Variants in MECOM observed in about 807,000 individuals in gnomAD.
MECOM encodes the protein MDS1 and EVI1 complex locus.
Under a neutral mutation model 116.3 loss-of-function variants are expected in MECOM, and 13 were observed. The observed-to-expected ratio is 0.11, with a 90% confidence interval of 0.07 to 0.18. The LOEUF (loss-of-function observed/expected upper bound fraction) is 0.18. Ranked by LOEUF, MECOM falls within the 10% of genes least tolerant of loss-of-function variation. The pLI, the probability that MECOM is intolerant of heterozygous loss-of-function variation, is 1.00. For synonymous variants in MECOM, 528 were observed against 535.2 expected (o/e 0.99, Z 0.19); for missense variants, 1,299 against 1,509.0 (o/e 0.86, Z 2.31).
intron 1 of MECOM, among the ~76,000 whole-genome samples, chr3:169,610,551 G>A (rs1452500003): frequency 1.3e-5 from 2 of 151,480 alleles, no homozygotes; most frequent in Non-Finnish European, 2.9e-5. Context: ...TTTTACAGAT[G>A]GGATACTGAG....
chr3:169,401,377 G>A (rs1346835911), intron 1 of MECOM, among the ~76,000 whole-genome samples: 1 of 150,938 alleles, frequency 6.6e-6, no homozygotes. Context: ...ATCTCCAAGA[G>A]TTCTGACCAT....
At chr3:169,633,893 T>A in intron 1 of MECOM, among the ~76,000 whole-genome samples, 1 of 104,710 alleles carries the variant, frequency 9.6e-6, no homozygotes, top group Admixed American at 1.2e-4. Context: ...TAAACAGTAG[T>A]GACCCTGGCA....
chr3:169,160,422 G>A (rs2149346648), intron 2 of MECOM, among the ~76,000 whole-genome samples: 1 of 151,562 alleles, frequency 6.6e-6, no homozygotes, highest in Non-Finnish European at 1.5e-5. Flanking sequence ...AATATTTGAA[G>A]TAAGCTAAAT....
At chr3:169,282,644 G>A (rs1490541316) in intron 2 of MECOM, among the ~76,000 whole-genome samples, 2 of 151,994 alleles carry the variant, frequency 1.3e-5, no homozygotes, top group African/African-American at 4.8e-5. Flanking sequence ...CACAGTAAAA[G>A]GCCAAACAAG....
chr3:169,457,023 G>A (rs891215012), intron 1 of MECOM, among the ~76,000 whole-genome samples: 2 of 152,242 alleles, frequency 1.3e-5, no homozygotes, highest in East Asian at 1.9e-4. Context: ...GCTGGCTGCC[G>A]TCTCAGCAGC....
chr3:169,370,795 C>T (rs1157108924), intron 2 of MECOM, among the ~76,000 whole-genome samples: 1 of 151,812 alleles, frequency 6.6e-6, no homozygotes, highest in African/African-American at 2.4e-5. Context: ...TACTGAATAT[C>T]ACTAGTCATC....
At chr3:169,567,525 C>T (rs540831044) in intron 1 of MECOM, among the ~76,000 whole-genome samples, 1 of 152,242 alleles carries the variant, frequency 6.6e-6, no homozygotes, top group East Asian at 1.9e-4. Context: ...GGGAGTAAAG[C>T]AACCCAATCC....
chr3:169,371,153 T>C (rs1020954489), intron 2 of MECOM, among the ~76,000 whole-genome samples: 7 of 151,934 alleles, frequency 4.6e-5, no homozygotes, highest in South Asian at 2.1e-4. Context: ...ATGTGGTACA[T>C]ACACAATGGA....
rs1195791276 is a variant in MECOM at position 169,378,386 on chromosome 3, C to CAAGAAAGAAAGAAAGAAAGAAAGAAAGA, written c.375+2773_375+2800dup. On this transcript the variant is annotated intron_variant, in intron 2 of 16. Transcript: ENST00000651503. ...GAAGGAAGGAAGCAAGGAAGGAAGA[C>CAAGAAAGAAAGAAAGAAAGAAAGAAAGA]AAGAAAGAAAGAAAGAAAGAAAGAA... 3.4e-5 allele frequency among the ~76,000 whole-genome samples: 2 copies of CAAGAAAGAAAGAAAGAAAGAAAGAAAGA among 59,182 alleles called. 1 individual carries two copies. The highest frequency in any genetic ancestry group is 7.1e-5 in the Non-Finnish European group (2 of 28,354). The allele number at this position is 59,182 out of a possible 152,430, so 38.8% of individuals were successfully genotyped here. A position where few individuals can be genotyped will look rare whatever the true frequency, so the allele number is the denominator to read the frequency against.
chr3:169,358,972 T>A (rs1727758216), intron 2 of MECOM, among the ~76,000 whole-genome samples: 1 of 151,708 alleles, frequency 6.6e-6, no homozygotes, highest in Admixed American at 6.6e-5. Context: ...TTTTCATCTA[T>A]TTTTCTCAAC....
intron 2 of MECOM, among the ~76,000 whole-genome samples, chr3:169,235,436 C>T (rs1393500304): frequency 2.0e-5 from 3 of 151,966 alleles, no homozygotes; most frequent in Non-Finnish European, 4.4e-5. Context: ...GACAAAATGT[C>T]CCTAAGTCCC....
At chr3:169,097,240 T>C (rs932543576) in intron 12 of MECOM, among the ~76,000 whole-genome samples, 9 of 152,122 alleles carry the variant, frequency 5.9e-5, no homozygotes, top group Non-Finnish European at 1.2e-4. Context: ...AAAGGGTCTT[T>C]TCCAAATCTA....
intron 2 of MECOM, among the ~76,000 whole-genome samples, chr3:169,155,335 C>A (rs1449395347): frequency 6.6e-6 from 1 of 152,126 alleles, no homozygotes; most frequent in East Asian, 1.9e-4. Context: ...CCATCTCTCT[C>A]CTTTCTCTGG....
At chr3:169,533,497 T>C (rs1758909589) in intron 1 of MECOM, among the ~76,000 whole-genome samples, 1 of 152,092 alleles carries the variant, frequency 6.6e-6, no homozygotes, top group African/African-American at 2.4e-5. Flanking sequence ...TGGGTCTATT[T>C]GGAGGGGGAC....
chr3:169,617,003 T>C (rs1770096841), intron 1 of MECOM, among the ~76,000 whole-genome samples: 1 of 152,232 alleles, frequency 6.6e-6, no homozygotes, highest in African/African-American at 2.4e-5. Flanking sequence ...CTTGTAAGTC[T>C]TGAAAGTTTG....
intron 2 of MECOM, among the ~76,000 whole-genome samples, chr3:169,179,042 A>G (rs1745594812): frequency 6.6e-6 from 1 of 152,218 alleles, no homozygotes; most frequent in African/African-American, 2.4e-5. Context: ...TCTGAAAACT[A>G]GGAAAAACAA....
At chr3:169,146,592 G>C (rs1365678607) in intron 2 of MECOM, 6 of 1,372,798 alleles carry the variant, frequency 4.4e-6, no homozygotes, top group Non-Finnish European at 5.8e-6. Context: ...GCGAGACTGC[G>C]GGCGAGGAGG....
intron 2 of MECOM, among the ~76,000 whole-genome samples, chr3:169,292,771 T>G (rs1387829139): frequency 6.6e-6 from 1 of 152,162 alleles, no homozygotes; most frequent in Non-Finnish European, 1.5e-5. Flanking sequence ...AATAGGAGAC[T>G]GAAGATCTGA....
chr3:169,388,027 T>A (rs1205344202), intron 1 of MECOM, among the ~76,000 whole-genome samples: 3 of 152,012 alleles, frequency 2.0e-5, no homozygotes, highest in Non-Finnish European at 4.4e-5. Context: ...GCCAGTACTT[T>A]GTGCCCAACT....
Sources: allele counts gnomAD v4.1 joint callset (sites outside exome capture counted in the v4.1 genomes callset), GRCh38; gene constraint gnomAD v4.1.1; transcripts MANE v1.5; gene names NCBI Gene and HGNC (gene_info 2026-07-23, HGNC 2026-07-21).